The following SEPSECS variants were observed in gnomAD, a reference collection of about 807,000 sequenced individuals.
SEPSECS encodes O-phosphoseryl-tRNA(Sec) selenium transferase.
Under a neutral mutation model 52.1 loss-of-function variants are expected in SEPSECS, and 42 were observed. The ratio of observed to expected loss-of-function variants is 0.81; its 90% CI spans 0.63 to 1.04. The LOEUF (loss-of-function observed/expected upper bound fraction) is 1.04, where lower values mean the gene tolerates loss of function less well. Ranked by LOEUF, SEPSECS falls within the 50% of genes least tolerant of loss-of-function variation. SEPSECS has a pLI of 0.00. For missense variants in SEPSECS, 590 were observed against 610.6 expected, an observed-to-expected ratio of 0.97 and a Z score of 0.36; for synonymous variants, 216 against 211.4, an observed-to-expected ratio of 1.02 and a Z score of -0.19.
chr4:25,158,962 C>T lies in SEPSECS; in HGVS notation c.260G>A (p.Arg87His), dbSNP rs1560338198. The change falls in exon 2 of 11, where the codon CGT (arginine) becomes CAT (histidine). Residue 87 changes from arginine (R) to histidine (H), a missense_variant. By Grantham distance (29) the Arg-to-His change is conservative. Coordinates refer to ENST00000382103, the MANE Select transcript of SEPSECS (RefSeq NM_016955.4). ...GRVASALVAR[R>H]HYRFIHGIGR... The stretch of plus-strand genomic sequence containing the variant: ...ACTTAAAAAAAGATACCTGTAATGA[C>T]GACGAGCAACCAGTGCGGATGCCAC... The T allele has an allele frequency of 6.2e-7, 1 of 1,613,832 alleles. No individual in the cohort carries two copies. The highest frequency in any genetic ancestry group is 1.7e-5 in the Admixed American group (1 of 60,024).
At chr4:25,126,894 T>C (rs1444499119) in intron 9 of SEPSECS, among the ~76,000 whole-genome samples, 1 of 152,186 alleles carries the variant, frequency 6.6e-6, no homozygotes. Flanking sequence ...TGAGCTTAAG[T>C]GACCTCCTGC....
rs1450986293 is a variant in SEPSECS, at chr4:25,145,066, C to T, written c.872G>A (p.Gly291Asp). ...SLDKNFMVPV[G>D]GAIIAGFNDS... ...ATTAAAGCCAGCAATTATAGCACCA[C>T]CTACTGGAACCATAAAATTTTTGTC... Residue 291 changes from glycine (G) to aspartate (D), a missense_variant, in exon 7 of 11, where the codon GGT becomes GAT. Physicochemically the swap from Gly to Asp is moderately conservative, Grantham distance 94. Transcript: ENST00000382103. 1 of 1,613,840 alleles carries T rather than the reference C, an allele frequency of 6.2e-7. No individual in the cohort carries two copies.
At chr4:25,141,861 C>T (rs1390638162) in intron 8 of SEPSECS, among the ~76,000 whole-genome samples, 1 of 152,214 alleles carries the variant, frequency 6.6e-6, no homozygotes, top group South Asian at 2.1e-4. Flanking sequence ...CACTGGCCTC[C>T]TTGCTGCTTC....
At chr4:25,156,573 C>T (rs1272893688) in intron 3 of SEPSECS, among the ~76,000 whole-genome samples, 6 of 151,096 alleles carry the variant, frequency 4.0e-5, no homozygotes, top group Non-Finnish European at 5.9e-5. Flanking sequence ...CCAGGCGTGG[C>T]GGTGGGCACC....
intron 10 of SEPSECS, chr4:25,125,366 C>T (rs4697550): frequency 1 from 241,970 of 243,116 alleles, 120,426 homozygotes; most frequent in South Asian, 1. Context: ...GATGGCTTAT[C>T]TCTAATACCA....
Position 25,145,221 on chromosome 4 carries a change from T to C in SEPSECS, c.805-88A>G, listed in dbSNP as rs1711889718. ...AAATACCACAACAAAAAATTATAAC[T>C]ATTTGAGTTAATTAATATATTAGCC... On this transcript the variant is annotated intron_variant, in intron 6 of 10. Transcript: ENST00000382103. 6 of 1,352,402 alleles carry C rather than the reference T, an allele frequency of 4.4e-6. No homozygotes were observed. In the East Asian group the frequency reaches 1.4e-4, roughly 32 times the overall value. 83.8% of individuals were successfully genotyped at this position (1,352,402 alleles called of 1,614,324 possible).
chr4:25,159,220 C>G (rs1267434101), intron 1 of SEPSECS, 113 bp from the exon 2 acceptor site: 2 of 926,312 alleles, frequency 2.2e-6, no homozygotes, highest in Non-Finnish European at 1.6e-6. Flanking sequence ...TGCTTGTTTT[C>G]TAAAATTCAA....
rs747863790 is a variant in SEPSECS at position 25,160,373 on chromosome 4, A to G, written c.-4T>C. On this transcript the variant is annotated 5_prime_UTR_variant, in exon 1 of 11. Transcript: ENST00000382103. ...CCGCGAAGCTCTCGCGGTTCATGAC[A>G]GCGGTGGCGACAGTGGCGAATAAGC... 1.9e-6 allele frequency: 3 copies of G among 1,544,610 alleles called. No individual in the cohort carries two copies. In the East Asian group the frequency reaches 7.4e-5, roughly 38 times the overall value.
intron 8 of SEPSECS, among the ~76,000 whole-genome samples, chr4:25,141,643 C>T (rs541832688): frequency 3.3e-5 from 5 of 152,290 alleles, no homozygotes; most frequent in African/African-American, 1.2e-4. Context: ...CAGCTTCTGC[C>T]CTTGCCCCCC....
chr4:25,129,884 CTGTT>C (rs1235991229), intron 8 of SEPSECS, among the ~76,000 whole-genome samples: 8 of 152,126 alleles, frequency 5.3e-5, no homozygotes, highest in African/African-American at 1.7e-4. Context: ...TTTAAATGCT[CTGTT>C]TGTTTTTAAA....
Position 25,121,073 on chromosome 4 carries a change from T to G in SEPSECS, c.*2858A>C, listed in dbSNP as rs1045424258. The G allele has an allele frequency of 6.6e-6, 1 of 152,156 alleles. No individual in the cohort carries two copies. The highest frequency in any genetic ancestry group is 1.5e-5 in the Non-Finnish European group (1 of 67,990). The allele number at this position is 152,156 out of a possible 1,614,324, so 9.4% of individuals were successfully genotyped here. ...TTCTGTATATCAAGTGCCTATTGGC[T>G]GAACAGAACTGTATTCAATAATTCA... On this transcript the variant is annotated 3_prime_UTR_variant, in exon 11 of 11. Coordinates refer to ENST00000382103, the MANE Select transcript of SEPSECS (RefSeq NM_016955.4).
chr4:25,137,615 G>A (rs1331282963), intron 8 of SEPSECS, among the ~76,000 whole-genome samples: 8 of 152,202 alleles, frequency 5.3e-5, no homozygotes, highest in Non-Finnish European at 8.8e-5. Flanking sequence ...TACACTGTTG[G>A]TGGAAATGTA....
At chr4:25,131,579 A>G (rs1728607226) in intron 8 of SEPSECS, among the ~76,000 whole-genome samples, 1 of 152,230 alleles carries the variant, frequency 6.6e-6, no homozygotes, top group Non-Finnish European at 1.5e-5. Flanking sequence ...TCTGCATTCA[A>G]GTTGTTAAGG....
Position 25,160,389 on chromosome 4 carries a change from G to C in SEPSECS, c.-20C>G. On this transcript the variant is annotated 5_prime_UTR_variant, in exon 1 of 11. Transcript: ENST00000382103. ...GTTCATGACAGCGGTGGCGACAGTG[G>C]CGAATAAGCGGGAGCACTAGCTCCA... is the stretch of plus-strand genomic sequence containing the variant. 1 of 1,536,968 alleles carries C rather than the reference G, an allele frequency of 6.5e-7. No individual in the cohort carries two copies. The highest frequency in any genetic ancestry group is 2.0e-5 in the Admixed American group (1 of 50,472).
intron 8 of SEPSECS, among the ~76,000 whole-genome samples, chr4:25,138,064 G>A (rs1265783739): frequency 1.3e-5 from 2 of 152,130 alleles, no homozygotes; most frequent in Middle Eastern, 3.2e-3. Context: ...GCCTGTCAGA[G>A]GGGTGCAGGG....
chr4:25,159,286 A>G (rs1324814407), intron 1 of SEPSECS, among the ~76,000 whole-genome samples, 179 bp from the exon 2 acceptor site: 1 of 152,204 alleles, frequency 6.6e-6, no homozygotes, highest in East Asian at 1.9e-4. Flanking sequence ...TGTACATTTG[A>G]TTACAATTAT....
At chr4:25,142,009 G>A (rs1711580077) in intron 8 of SEPSECS, among the ~76,000 whole-genome samples, 3 of 152,236 alleles carry the variant, frequency 2.0e-5, no homozygotes, top group Admixed American at 2.0e-4. Context: ...GGGCACGGAG[G>A]CTCATGCCTG....
Position 25,127,292 on chromosome 4 carries a change from C to T in SEPSECS, c.1092G>A (p.Leu364=), listed in dbSNP as rs1728419847. 1.2e-6 allele frequency: 2 copies of T among 1,612,766 alleles called. No individual in the cohort carries two copies. Among genetic ancestry groups the T allele is most frequent in the Non-Finnish European group, 1.7e-6 (2 of 1,179,158 alleles). Residue 364 remains leucine (L), a synonymous_variant, in exon 9 of 11, where the codon TTG becomes TTA. Transcript: ENST00000382103. ...AAGATATGGGATTGTGAGGTGTATG[C>T]AACAGTCTTTCATTGTAGGCTTCTG... The part of the protein sequence containing the change: ...KLSEAYNERL[L]HTPHNPISLA...
At chr4:25,142,744 G>C (rs116355604) in intron 8 of SEPSECS, among the ~76,000 whole-genome samples, 1 of 152,068 alleles carries the variant, frequency 6.6e-6, no homozygotes, top group Non-Finnish European at 1.5e-5. Context: ...GCGTTAAAAA[G>C]AAAAACTCAA....
Sources: allele counts gnomAD v4.1 joint callset (sites outside exome capture counted in the v4.1 genomes callset), GRCh38; gene constraint gnomAD v4.1.1; transcripts MANE v1.5; gene names NCBI Gene and HGNC (gene_info 2026-07-23, HGNC 2026-07-21).